The following COL18A1 variants were observed in gnomAD, a reference collection of about 807,000 sequenced individuals.
COL18A1 encodes the protein collagen type XVIII alpha 1 chain.
A neutral mutation model predicts 168.0 loss-of-function variants in COL18A1; 133 were observed. The ratio of observed to expected loss-of-function variants is 0.79; its 90% CI spans 0.69 to 0.91. The LOEUF (loss-of-function observed/expected upper bound fraction) is 0.91. COL18A1 is among the 40% of genes least tolerant of loss of function. The probability of loss-of-function intolerance (pLI) is 0.00; values close to 1 mark genes in which losing one functional copy is unlikely to be tolerated. For missense variants in COL18A1, 2,126 were observed against 1,925.4 expected, an observed-to-expected ratio of 1.10 and a Z score of -1.95; for synonymous variants, 949 against 809.0, an observed-to-expected ratio of 1.17 and a Z score of -2.94.
chr21:45,505,078 C>A, intron 34 of COL18A1, 56 bp from the exon 35 acceptor site: 2 of 1,582,314 alleles, frequency 1.3e-6, no homozygotes, highest in East Asian at 2.3e-5. Context: ...CAAGCTTGCC[C>A]GCCCCCAGTC....
intron 2 of COL18A1, chr21:45,420,258 T>A (rs1462256649): frequency 1.3e-5 from 2 of 152,186 alleles, no homozygotes; most frequent in Non-Finnish European, 2.9e-5. Flanking sequence ...GCTGGATGTG[T>A]TTGCAGGGCT....
rs566628074 is a variant in COL18A1, at chr21:45,456,820, C to T, written c.107-11422C>T. The stretch of plus-strand genomic sequence containing the variant: ...GCCTGGGCGGGGGCCGGCTGCCCGT[C>T]GCCTGTGCCTCGCTCCCGACCCAGG... On this transcript the variant is annotated intron_variant, in intron 2 of 41. Transcript: ENST00000651438. The T allele has an allele frequency of 4.7e-4, 726 of 1,528,876 alleles. 3 individuals carry two copies. In the African/African-American group the frequency reaches 8.9e-3, roughly 19 times the overall value. The allele number at this position is 1,528,876 out of a possible 1,614,324, so 94.7% of individuals were successfully genotyped here. A position where few individuals can be genotyped will look rare whatever the true frequency, so the allele number is the denominator to read the frequency against.
Position 45,471,155 on chromosome 21 carries a change from T to G in COL18A1, c.651+2369T>G, listed in dbSNP as rs1295627171. Among the ~76,000 whole-genome samples the G allele has an allele frequency of 6.9e-6, 1 of 145,310 alleles. No homozygotes were observed. Among genetic ancestry groups the G allele is most frequent in the South Asian group, 2.2e-4 (1 of 4,482 alleles). ...CTTGTGCTGCTGGGCGTGGGTGGCG[T>G]GCAGCAGGCCGTGTGCTGCTGGGCG... On this transcript the variant is annotated intron_variant, in intron 3 of 41. Coordinates refer to ENST00000651438, the MANE Select transcript of COL18A1 (RefSeq NM_001379500.1). The surrounding 1 kb of genome is among the most constrained non-coding windows in gnomAD (Gnocchi z 4.4).
intron 33 of COL18A1, 134 bp downstream of exon 33, chr21:45,504,188 G>A: frequency 9.3e-7 from 1 of 1,069,800 alleles, no homozygotes; most frequent in South Asian, 1.3e-5. Context: ...TGGCTCCAGA[G>A]GGTGTCGAGG....
At chr21:45,412,309 G>C (rs1325550698) in intron 2 of COL18A1, among the ~76,000 whole-genome samples, 13 of 149,090 alleles carry the variant, frequency 8.7e-5, no homozygotes, top group Non-Finnish European at 1.6e-4. Context: ...TGATCTTGGC[G>C]CCCTGCAACC....
At chr21:45,413,513 C>T (rs772751303) in intron 2 of COL18A1, among the ~76,000 whole-genome samples, 3 of 152,242 alleles carry the variant, frequency 2.0e-5, no homozygotes, top group East Asian at 1.9e-4. Context: ...TTTGCCCCAG[C>T]GAGGAGCTTT....
Position 45,480,388 on chromosome 21 carries a change from C to T in COL18A1, c.1399-79C>T, listed in dbSNP as rs2035850215. 1.9e-6 allele frequency: 3 copies of T among 1,612,002 alleles called. No individual in the cohort carries two copies. In the East Asian group the frequency reaches 6.7e-5, roughly 36 times the overall value. On this transcript the variant is annotated intron_variant, in intron 11 of 41. Coordinates refer to ENST00000651438, the MANE Select transcript of COL18A1 (RefSeq NM_001379500.1). ...CTTGTAGAAACAGCTCGATATGCAG[C>T]TTGCGGGGCAGGGGCCAGGAGTAGG...
intron 32 of COL18A1, among the ~76,000 whole-genome samples, chr21:45,499,069 C>T (rs1192163180): frequency 6.6e-6 from 1 of 152,166 alleles, no homozygotes; most frequent in South Asian, 2.1e-4. Flanking sequence ...GCATTCCCCT[C>T]ATTCGAAGGA....
At chr21:45,505,698 A>C in intron 36 of COL18A1, 140 bp from the exon 37 acceptor site, 2 of 740,674 alleles carry the variant, frequency 2.7e-6, no homozygotes, top group Admixed American at 2.1e-5. Context: ...CATGGTGCTC[A>C]TGGGGGCAGC....
chr21:45,406,782 A>G (rs1027207899), intron 2 of COL18A1, among the ~76,000 whole-genome samples: 2 of 152,266 alleles, frequency 1.3e-5, no homozygotes, highest in African/African-American at 4.8e-5. Context: ...CAAGGAGGAG[A>G]TGTAAAAGGT....
In COL18A1 at chr21:45,412,233, A is replaced by ATTTTT. The variant is rs1285919162; in HGVS notation, c.106+6763_106+6764insTTTTT. Among the ~76,000 whole-genome samples the ATTTTT allele has an allele frequency of 5.2e-5, 5 of 96,122 alleles. 1 individual carries two copies. The highest frequency in any genetic ancestry group is 4.1e-5 in the Non-Finnish European group (2 of 49,126). 63.1% of individuals were successfully genotyped at this position (96,122 alleles called of 152,430 possible). ...ATGATATTTCTTTAACTGGGGGTAT[A>ATTTTT]TTTCTTTTTTTTTTTTTTTTCGAGA... is the stretch of plus-strand genomic sequence containing the variant. On this transcript the variant is annotated intron_variant, in intron 2 of 41. Transcript: ENST00000651438.
chr21:45,452,634 G>A (rs2034651236), intron 2 of COL18A1, among the ~76,000 whole-genome samples: 1 of 151,156 alleles, frequency 6.6e-6, no homozygotes, highest in Non-Finnish European at 1.5e-5. Context: ...TGACATGTAA[G>A]CATGTGTGTG....
intron 2 of COL18A1, among the ~76,000 whole-genome samples, chr21:45,452,560 A>T (rs1229423172): frequency 6.6e-6 from 1 of 151,474 alleles, no homozygotes; most frequent in Non-Finnish European, 1.5e-5. Flanking sequence ...GTGAGCATTC[A>T]TGTGACACAT....
At chr21:45,434,249 A>G (rs2034040819) in intron 2 of COL18A1, among the ~76,000 whole-genome samples, 1 of 152,136 alleles carries the variant, frequency 6.6e-6, no homozygotes, top group South Asian at 2.1e-4. Flanking sequence ...GCAGGGCAGG[A>G]CAGAAGCATC....
intron 15 of COL18A1, among the ~76,000 whole-genome samples, chr21:45,483,105 T>A: frequency 6.6e-6 from 1 of 152,304 alleles, no homozygotes; most frequent in South Asian, 2.1e-4. Context: ...GAAGCTGAGC[T>A]CATCTGGAAA....
At chr21:45,483,323 G>T (rs1421104647) in intron 15 of COL18A1, among the ~76,000 whole-genome samples, 2 of 152,220 alleles carry the variant, frequency 1.3e-5, no homozygotes, top group Admixed American at 6.5e-5. Context: ...GGCAGCCCGG[G>T]TGTCCTTGGC....
chr21:45,405,501 C>G (rs1452666592), intron 2 of COL18A1, 28 bp downstream of exon 2: 3 of 1,286,160 alleles, frequency 2.3e-6, no homozygotes, highest in Admixed American at 6.5e-5. Context: ...CGGGAAGGTT[C>G]GCGCCGGTGC....
chr21:45,497,121 C>T lies in COL18A1; in HGVS notation c.2620+29C>T, dbSNP rs73370840. 219,089 of 1,458,396 alleles carry T rather than the reference C, an allele frequency of 0.15. 17,645 individuals are homozygous for T. The highest frequency in any genetic ancestry group is 0.16 in the African/African-American group (11,836 of 72,246). 90.3% of individuals were successfully genotyped at this position (1,458,396 alleles called of 1,614,324 possible). ...AGGGTCCTGGGCTCACAGCTGGGGA[C>T]ACAGGCTCTGAAGGGATGCTCCAGA... On this transcript the variant is annotated intron_variant, in intron 31 of 41. Coordinates refer to ENST00000651438, the MANE Select transcript of COL18A1 (RefSeq NM_001379500.1).
At position 45,455,836 on chromosome 21, in the gene COL18A1, G is replaced by A. The variant is rs777643778; in HGVS notation, c.107-12406G>A. ...CCACTTCTGCCGAGAGCCCGGACGCGCCAGAGGAGAACATTGCCGGTGTCG... is the reference window on the plus strand; with the variant it reads ...CCACTTCTGCCGAGAGCCCGGACGCACCAGAGGAGAACATTGCCGGTGTCG... On this transcript the variant is annotated intron_variant, in intron 2 of 41. Transcript: ENST00000651438. 47 of 1,613,112 alleles carry A rather than the reference G, an allele frequency of 2.9e-5. No homozygotes were observed. The highest frequency in any genetic ancestry group is 4.5e-5 in the East Asian group (2 of 44,892).
Sources: allele counts gnomAD v4.1 joint callset (sites outside exome capture counted in the v4.1 genomes callset), GRCh38; gene constraint gnomAD v4.1.1; non-coding constraint Gnocchi (gnomAD v3.1); transcripts MANE v1.5; gene names NCBI Gene and HGNC (gene_info 2026-07-23, HGNC 2026-07-21).